The following ACSM1 variants were observed in gnomAD, a reference collection of about 807,000 sequenced individuals.
ACSM1 encodes acyl-coenzyme A synthetase ACSM1, mitochondrial.
A neutral mutation model predicts 75.8 loss-of-function variants in ACSM1; 79 were observed. The observed-to-expected ratio is 1.04, with a 90% CI of 0.87 to 1.26. The LOEUF (loss-of-function observed/expected upper bound fraction) is 1.26, where lower values mean the gene tolerates loss of function less well. Among genes scored for constraint, ACSM1 ranks in the 50% most tolerant of loss-of-function variants. The pLI, the probability that ACSM1 is intolerant of heterozygous loss-of-function variation, is 0.00. For synonymous variants in ACSM1, 279 were observed against 265.8 expected (o/e 1.05, Z -0.48); for missense variants, 676 against 720.1 (o/e 0.94, Z 0.70).
intron 10 of ACSM1, among the ~76,000 whole-genome samples, chr16:20,635,632 C>A (rs948614838): frequency 3.5e-5 from 4 of 115,764 alleles, no homozygotes; most frequent in East Asian, 2.2e-4. Flanking sequence ...TTCTTTCTTT[C>A]TTTCTTTCTT....
chr16:20,655,894 C>T (rs1447143048), intron 7 of ACSM1, among the ~76,000 whole-genome samples: 3 of 152,156 alleles, frequency 2.0e-5, no homozygotes, highest in African/African-American at 7.2e-5. Flanking sequence ...AACTCCTGAC[C>T]TTGTGATCCG....
chr16:20,625,896 G>A (rs142160347), intron 11 of ACSM1, among the ~76,000 whole-genome samples: 4 of 152,100 alleles, frequency 2.6e-5, no homozygotes, highest in East Asian at 3.9e-4. Context: ...CAGGATTTTC[G>A]GCTTTTATTA....
chr16:20,636,089 C>A (rs988683006), intron 10 of ACSM1, among the ~76,000 whole-genome samples: 14 of 152,158 alleles, frequency 9.2e-5, no homozygotes, highest in African/African-American at 3.1e-4. Context: ...AGGACAGCCG[C>A]CAATGAAAGT....
chr16:20,623,603 T>C (rs779194966), intron 13 of ACSM1, 31 bp from the exon 14 acceptor site: 2 of 1,593,242 alleles, frequency 1.3e-6, no homozygotes, highest in African/African-American at 1.3e-5. Context: ...TCCACAGTGA[T>C]TGAGTCCTGC....
chr16:20,687,976 T>C (rs1275950698), intron 2 of ACSM1, among the ~76,000 whole-genome samples: 1 of 151,488 alleles, frequency 6.6e-6, no homozygotes, highest in African/African-American at 2.4e-5. Flanking sequence ...TCCCAGCTAC[T>C]CAGGAGGCTG....
chr16:20,661,916 G>T, intron 6 of ACSM1, 43 bp from the exon 7 acceptor site: 7 of 1,384,354 alleles, frequency 5.1e-6, no homozygotes, highest in Non-Finnish European at 7.2e-6. Flanking sequence ...TACAGTTAAG[G>T]TTAAACTAAC....
rs563284180 is a variant in ACSM1, at chr16:20,697,039, C to A, written c.-52+597G>T. ...TAAGGACTCAATAAATGTTGAGGTA[C>A]CTTTTAACTCCCAGCAAATTCTGAA... is the stretch of plus-strand genomic sequence containing the variant. On this transcript the variant is annotated intron_variant, in intron 1 of 13. Transcript: ENST00000520010. Among the ~76,000 whole-genome samples, 18 of 152,242 alleles carry A rather than the reference C, an allele frequency of 1.2e-4. No individual in the cohort carries two copies. The South Asian group carries it at 3.7e-3, about 32-fold the overall frequency.
Position 20,667,796 on chromosome 16 carries a change from T to C in ACSM1, c.912+2031A>G, listed in dbSNP as rs2019652830. Among the ~76,000 whole-genome samples, 4 of 152,208 alleles carry C rather than the reference T, an allele frequency of 2.6e-5. No individual in the cohort carries two copies. In the South Asian group the frequency reaches 8.3e-4, roughly 31 times the overall value. On this transcript the variant is annotated intron_variant, in intron 6 of 13. Coordinates refer to ENST00000520010, the MANE Select transcript of ACSM1 (RefSeq NM_001318890.3). Reference sequence around the variant, plus strand: ...TGGTATAAAGAAAATGTGCTACATATACACCATGCAATACTACACAGCCAT... The same window carrying C: ...TGGTATAAAGAAAATGTGCTACATACACACCATGCAATACTACACAGCCAT...
chr16:20,641,598 T>A (rs934553224), intron 7 of ACSM1, among the ~76,000 whole-genome samples: 2 of 152,268 alleles, frequency 1.3e-5, no homozygotes, highest in Admixed American at 6.5e-5. Context: ...TGTTTCTTTG[T>A]TGGATTACCA....
intron 6 of ACSM1, among the ~76,000 whole-genome samples, chr16:20,668,566 G>A (rs1022482171): frequency 3.3e-5 from 5 of 152,164 alleles, no homozygotes; most frequent in Admixed American, 1.3e-4. Context: ...CTAGCAGGTT[G>A]GAAATGTTTT....
intron 6 of ACSM1, among the ~76,000 whole-genome samples, chr16:20,668,973 G>A (rs1162338770): frequency 6.6e-6 from 1 of 152,178 alleles, no homozygotes; most frequent in Non-Finnish European, 1.5e-5. Flanking sequence ...AAGAAATGCT[G>A]TTTATCCAAG....
intron 12 of ACSM1, among the ~76,000 whole-genome samples, chr16:20,624,884 A>AT (rs2016820752): frequency 6.6e-6 from 1 of 151,262 alleles, no homozygotes; most frequent in African/African-American, 2.4e-5. Context: ...CACCTGGCTA[A>AT]TTTTTTTTGT....
intron 8 of ACSM1, among the ~76,000 whole-genome samples, 195 bp from the exon 9 acceptor site, chr16:20,637,646 C>G (rs777367449): frequency 6.6e-6 from 1 of 152,170 alleles, no homozygotes; most frequent in African/African-American, 2.4e-5. Flanking sequence ...ATTCCACAGT[C>G]ATTTTCTGCA....
intron 7 of ACSM1, among the ~76,000 whole-genome samples, chr16:20,652,894 CT>C (rs1280148301): frequency 1.3e-5 from 2 of 152,198 alleles, no homozygotes; most frequent in East Asian, 3.8e-4. Context: ...TCCTCCCTAA[CT>C]CTTTTTATGA....
At chr16:20,684,323 G>A (rs1230331145) in intron 3 of ACSM1, among the ~76,000 whole-genome samples, 2 of 152,160 alleles carry the variant, frequency 1.3e-5, no homozygotes, top group Non-Finnish European at 2.9e-5. Context: ...ATCGCTTAAG[G>A]ATCACACAAT....
chr16:20,676,397 G>C (rs1473761975), intron 4 of ACSM1, among the ~76,000 whole-genome samples: 1 of 152,218 alleles, frequency 6.6e-6, no homozygotes, highest in Non-Finnish European at 1.5e-5. Flanking sequence ...GCACCAGCCA[G>C]TTTTAAGAAA....
chr16:20,669,915 G>A lies in ACSM1; in HGVS notation c.824C>T (p.Thr275Ile), dbSNP rs760532049. The change falls in exon 6 of 14, where the codon ACC (threonine) becomes ATC (isoleucine). Residue 275 changes from threonine (T) to isoleucine (I), a missense_variant. Coordinates refer to ENST00000520010, the MANE Select transcript of ACSM1 (RefSeq NM_001318890.3). ...CLSDSGWIVA[T>I]IWTLVEPWTA... Reference sequence around the variant, plus strand: ...CCATGGTTCTACCAGGGTCCAAATGGTAGCCACAATCCATCCTGAGTCCGA... The same window carrying A: ...CCATGGTTCTACCAGGGTCCAAATGATAGCCACAATCCATCCTGAGTCCGA... The A allele has an allele frequency of 6.2e-7, 1 of 1,613,526 alleles. No homozygotes were observed. The highest frequency in any genetic ancestry group is 1.7e-5 in the Admixed American group (1 of 59,982).
At chr16:20,641,307 A>C (rs1304847574) in intron 7 of ACSM1, among the ~76,000 whole-genome samples, 1 of 152,208 alleles carries the variant, frequency 6.6e-6, no homozygotes, top group African/African-American at 2.4e-5. Context: ...GGGGAAGTGT[A>C]CATCTATAGA....
intron 4 of ACSM1, among the ~76,000 whole-genome samples, chr16:20,672,550 A>G (rs407385): frequency 6.7e-5 from 9 of 134,266 alleles, no homozygotes; most frequent in Non-Finnish European, 1.4e-4. Flanking sequence ...ATAAAATTAT[A>G]TATAAATATA....
Sources: gnomAD v4.1 joint callset for allele counts (sites outside exome capture counted in the v4.1 genomes callset) on GRCh38, gnomAD v4.1.1 for gene constraint, MANE v1.5 for transcripts, NCBI Gene and HGNC (gene_info 2026-07-23, HGNC 2026-07-21) for gene names.